DLC1: variants seen among roughly 807,000 people sequenced by gnomAD.
DLC1 encodes the protein rho GTPase-activating protein 7.
DLC1 carries 54 observed loss-of-function variants against 140.3 expected under a neutral mutation model. The ratio of observed to expected loss-of-function variants is 0.38; its 90% CI spans 0.31 to 0.48. The LOEUF is 0.48. DLC1 is among the 20% of genes least tolerant of loss of function. DLC1 has a pLI of 0.96. For missense variants in DLC1, 2,536 were observed against 1,907.0 expected, an observed-to-expected ratio of 1.33 and a Z score of -6.14; for synonymous variants, 986 against 728.1, an observed-to-expected ratio of 1.35 and a Z score of -5.70.
At chr8:13,181,218 G>A (rs925484549) in intron 5 of DLC1, among the ~76,000 whole-genome samples, 1 of 151,608 alleles carries the variant, frequency 6.6e-6, no homozygotes, top group Non-Finnish European at 1.5e-5. Context: ...CTTACTGTTT[G>A]CTCTACTTGG....
intron 4 of DLC1, among the ~76,000 whole-genome samples, chr8:13,354,836 C>T (rs1037763070): frequency 2.0e-5 from 3 of 150,464 alleles, no homozygotes; most frequent in Admixed American, 2.0e-4. Context: ...GTAATCCCAG[C>T]TGTTGGGGAA....
chr8:13,106,312 T>C (rs1819559808), intron 7 of DLC1, among the ~76,000 whole-genome samples: 1 of 152,254 alleles, frequency 6.6e-6, no homozygotes, highest in African/African-American at 2.4e-5. Context: ...AAAGATATTT[T>C]CTTGGAATCT....
chr8:13,434,445 G>A (rs1237680921), intron 2 of DLC1, among the ~76,000 whole-genome samples: 2 of 152,096 alleles, frequency 1.3e-5, no homozygotes, highest in African/African-American at 2.4e-5. Flanking sequence ...GTAAAAACGT[G>A]CAGGCATGAC....
rs372474911 is a variant in DLC1 at position 13,317,008 on chromosome 8, T to C, written c.1315-11706A>G. Among the ~76,000 whole-genome samples the C allele has an allele frequency of 8.5e-5, 13 of 152,310 alleles. 1 individual carries two copies. The East Asian group carries it at 2.3e-3, about 27-fold the overall frequency. ...CCCAGTCTCTTCCTATGTGGAGAGT[T>C]ATGTGAGACATGGACTGTAATAAGT... is the stretch of plus-strand genomic sequence containing the variant. On this transcript the variant is annotated intron_variant, in intron 4 of 17. Coordinates refer to ENST00000276297, the MANE Select transcript of DLC1 (RefSeq NM_182643.3).
chr8:13,377,694 C>G (rs1294778929), intron 4 of DLC1, among the ~76,000 whole-genome samples: 1 of 152,178 alleles, frequency 6.6e-6, no homozygotes, highest in African/African-American at 2.4e-5. Flanking sequence ...CATTACAAGT[C>G]ATGAAACGTC....
intron 2 of DLC1, among the ~76,000 whole-genome samples, chr8:13,440,190 C>T (rs1157571644): frequency 2.6e-5 from 4 of 152,096 alleles, no homozygotes. Flanking sequence ...ATCATAGAAG[C>T]CTGTTTTATT....
At chr8:13,566,831 G>T in intron 1 of DLC1, 5 of 939,732 alleles carry the variant, frequency 5.3e-6, no homozygotes, top group Non-Finnish European at 6.0e-6. Context: ...CGCATGAGCG[G>T]CCCGCGTTGC....
At chr8:13,170,307 T>C (rs1825372759) in intron 5 of DLC1, among the ~76,000 whole-genome samples, 1 of 152,122 alleles carries the variant, frequency 6.6e-6, no homozygotes, top group Non-Finnish European at 1.5e-5. Flanking sequence ...TAAAATGCAG[T>C]CACAATCATT....
intron 1 of DLC1, among the ~76,000 whole-genome samples, chr8:13,523,553 CG>C (rs1802822983): frequency 1.3e-5 from 2 of 151,988 alleles, no homozygotes; most frequent in Non-Finnish European, 2.9e-5. Flanking sequence ...GAATCTCAAA[CG>C]TATTTGCAAT....
At chr8:13,370,563 G>T (rs980717997) in intron 4 of DLC1, among the ~76,000 whole-genome samples, 8 of 152,164 alleles carry the variant, frequency 5.3e-5, no homozygotes, top group Non-Finnish European at 1.2e-4. Context: ...GTGAGTGAGG[G>T]CTGTTCCTCC....
chr8:13,586,867 C>T (rs1280270951), intron 1 of DLC1, among the ~76,000 whole-genome samples: 1 of 152,094 alleles, frequency 6.6e-6, no homozygotes, highest in Non-Finnish European at 1.5e-5. Flanking sequence ...AGGACATGCT[C>T]TTTACCTAGT....
chr8:13,437,862 C>T (rs1335989527), intron 2 of DLC1, among the ~76,000 whole-genome samples: 2 of 152,042 alleles, frequency 1.3e-5, no homozygotes, highest in African/African-American at 4.8e-5. Flanking sequence ...CCATTTGATG[C>T]TGACACAGCT....
intron 5 of DLC1, among the ~76,000 whole-genome samples, chr8:13,274,981 G>C (rs568421351): frequency 1.3e-5 from 2 of 152,254 alleles, no homozygotes; most frequent in South Asian, 4.2e-4. Flanking sequence ...ACCTTAAAGA[G>C]TTAAATAAAA....
intron 5 of DLC1, among the ~76,000 whole-genome samples, chr8:13,274,203 G>A (rs1036280139): frequency 5.3e-5 from 8 of 152,174 alleles, no homozygotes; most frequent in African/African-American, 1.9e-4. Flanking sequence ...GAAAGGGATG[G>A]AAGCAAGTGC....
At chr8:13,291,390 G>C (rs1231573316) in intron 5 of DLC1, among the ~76,000 whole-genome samples, 3 of 152,176 alleles carry the variant, frequency 2.0e-5, no homozygotes, top group Non-Finnish European at 4.4e-5. Flanking sequence ...TGAGTACTGT[G>C]ATACTAATAT....
chr8:13,542,800 T>A (rs1803529100), intron 1 of DLC1, among the ~76,000 whole-genome samples: 1 of 151,576 alleles, frequency 6.6e-6, no homozygotes, highest in African/African-American at 2.4e-5. Flanking sequence ...CGAATTGAGT[T>A]TTTTATATTT....
intron 2 of DLC1, among the ~76,000 whole-genome samples, chr8:13,452,470 T>C (rs1332791458): frequency 2.0e-5 from 3 of 152,148 alleles, no homozygotes; most frequent in Non-Finnish European, 4.4e-5. Context: ...AAATCTATAA[T>C]GAGATTGCTA....
At chr8:13,530,487 C>T (rs1243325085) in intron 1 of DLC1, among the ~76,000 whole-genome samples, 1 of 152,104 alleles carries the variant, frequency 6.6e-6, no homozygotes, top group Non-Finnish European at 1.5e-5. Flanking sequence ...ATCTGTGTTT[C>T]TTGGCTTTGC....
At chr8:13,141,974 C>T (rs1339235682) in intron 5 of DLC1, among the ~76,000 whole-genome samples, 4 of 152,138 alleles carry the variant, frequency 2.6e-5, no homozygotes, top group Admixed American at 6.6e-5. Context: ...AGGGAGGCAC[C>T]TACTGGGAAA....
Sources: gnomAD v4.1 joint callset for allele counts (sites outside exome capture counted in the v4.1 genomes callset) on GRCh38, gnomAD v4.1.1 for gene constraint, MANE v1.5 for transcripts, NCBI Gene and HGNC (gene_info 2026-07-23, HGNC 2026-07-21) for gene names.